The following FOXK2 variants were observed in gnomAD, a reference collection of about 807,000 sequenced individuals.
The protein encoded by FOXK2 is forkhead box K2, also known as forkhead box protein K2.
FOXK2 carries 24 observed loss-of-function variants against 53.3 expected under a neutral mutation model. The observed-to-expected ratio is 0.45, with a 90% CI of 0.33 to 0.63. The LOEUF (loss-of-function observed/expected upper bound fraction) is 0.63. Among genes scored for constraint, FOXK2 ranks in the 30% least tolerant of loss-of-function variants. The pLI is 0.03. For missense variants in FOXK2, 952 were observed against 910.5 expected, an observed-to-expected ratio of 1.05 and a Z score of -0.59; for synonymous variants, 505 against 407.1, an observed-to-expected ratio of 1.24 and a Z score of -2.89.
intron 1 of FOXK2, among the ~76,000 whole-genome samples, chr17:82,524,000 T>C (rs1304407632): frequency 6.6e-6 from 1 of 152,198 alleles, no homozygotes; most frequent in Non-Finnish European, 1.5e-5. Flanking sequence ...ATTCAAGCCA[T>C]TCTCCTGCCT....
Position 82,602,853 on chromosome 17 carries a change from G to A in FOXK2, c.*1354G>A, listed in dbSNP as rs554033908. On this transcript the variant is annotated 3_prime_UTR_variant, in exon 9 of 9. Transcript: ENST00000335255. ...CATGGGGAGAGGGCGTCAGCCTGAT[G>A]GCTGAGCTTTTAAATGTCATCATCA... is the stretch of plus-strand genomic sequence containing the variant. 105 of 152,430 alleles carry A rather than the reference G, an allele frequency of 6.9e-4. No individual in the cohort carries two copies. The highest frequency in any genetic ancestry group is 2.5e-3 in the African/African-American group (103 of 41,588). The allele number at this position is 152,430 out of a possible 1,614,324, so 9.4% of individuals were successfully genotyped here.
chr17:82,602,227 G>A lies in FOXK2; in HGVS notation c.*728G>A, dbSNP rs897787955. The stretch of plus-strand genomic sequence containing the variant: ...AGGTGGACGGACGCTGTGGCCGCAT[G>A]GAACCTTGAGAACCCAGGGACGAGC... On this transcript the variant is annotated 3_prime_UTR_variant, in exon 9 of 9. Coordinates refer to ENST00000335255, the MANE Select transcript of FOXK2 (RefSeq NM_004514.4). The A allele has an allele frequency of 2.0e-5, 3 of 152,202 alleles. No homozygotes were observed. Among genetic ancestry groups the A allele is most frequent in the African/African-American group, 7.2e-5 (3 of 41,424 alleles). 9.4% of individuals were successfully genotyped at this position (152,202 alleles called of 1,614,324 possible). A position where few individuals can be genotyped will look rare whatever the true frequency, so the allele number is the denominator to read the frequency against.
intron 1 of FOXK2, among the ~76,000 whole-genome samples, chr17:82,547,902 C>G (rs912400783): frequency 6.6e-6 from 1 of 152,192 alleles, no homozygotes; most frequent in African/African-American, 2.4e-5. Context: ...TTGGCTCGCT[C>G]TTATTCACAT....
intron 6 of FOXK2, 94 bp downstream of exon 6, chr17:82,584,282 C>A: frequency 7.5e-7 from 1 of 1,325,460 alleles, no homozygotes; most frequent in Non-Finnish European, 1.0e-6. Context: ...GACTGGAGGC[C>A]TGCCTGTCCC....
chr17:82,595,663 C>T (rs184736802), intron 8 of FOXK2: 83 of 752,404 alleles, frequency 1.1e-4, no homozygotes, highest in Non-Finnish European at 1.4e-4. Flanking sequence ...GGTTTTTCTT[C>T]GTTGAAAGCT....
At chr17:82,554,272 G>T (rs1208838278) in intron 1 of FOXK2, among the ~76,000 whole-genome samples, 2 of 152,184 alleles carry the variant, frequency 1.3e-5, no homozygotes, top group Non-Finnish European at 2.9e-5. Flanking sequence ...TCATTTCTGT[G>T]GGGCTGTATG....
chr17:82,590,371 G>A (rs963310060), intron 8 of FOXK2, among the ~76,000 whole-genome samples: 2 of 152,152 alleles, frequency 1.3e-5, no homozygotes, highest in African/African-American at 2.4e-5. Context: ...GCCCATGCTG[G>A]TCTCAAGCTC....
At chr17:82,598,718 T>C (rs566172193) in intron 8 of FOXK2, among the ~76,000 whole-genome samples, 1 of 152,340 alleles carries the variant, frequency 6.6e-6, no homozygotes, top group Admixed American at 6.5e-5. Context: ...AGATGCCACC[T>C]CCTAATTAGG....
At chr17:82,541,450 T>G (rs2144073115) in intron 1 of FOXK2, among the ~76,000 whole-genome samples, 1 of 152,122 alleles carries the variant, frequency 6.6e-6, no homozygotes, top group East Asian at 1.9e-4. Context: ...TTTTTGTATT[T>G]TTAGTAGAGA....
At position 82,568,096 on chromosome 17, in the gene FOXK2, T is replaced by C; in HGVS notation, c.657T>C (p.Ser219=). ...CCTCCAGCCCCCGGGGAGCGGGGTC[T>C]TCAGGGTACAAGGTGGGCCGAGTGA... ...SCPSSPRGAG[S]SGYKVGRVMP... is the part of the protein sequence containing the mutation. The change falls in exon 3 of 9, where the codon TCT becomes TCC. Residue 219 remains serine, a synonymous_variant. Coordinates refer to ENST00000335255, the MANE Select transcript of FOXK2 (RefSeq NM_004514.4). 6.2e-7 allele frequency: 1 copy of C among 1,613,226 alleles called. No individual in the cohort carries two copies. The highest frequency in any genetic ancestry group is 8.5e-7 in the Non-Finnish European group (1 of 1,179,834).
intron 4 of FOXK2, among the ~76,000 whole-genome samples, chr17:82,580,938 C>T (rs1024620456): frequency 7.2e-5 from 11 of 151,804 alleles, no homozygotes; most frequent in Admixed American, 3.3e-4. Flanking sequence ...CCATGTCACC[C>T]GTGAAGTAGC....
At chr17:82,565,617 C>T (rs139233749) in intron 2 of FOXK2, among the ~76,000 whole-genome samples, 115 of 152,320 alleles carry the variant, frequency 7.5e-4, no homozygotes, top group African/African-American at 2.4e-3. Flanking sequence ...CCACCTCACA[C>T]CCATTGGATT....
intron 5 of FOXK2, 54 bp downstream of exon 5, chr17:82,582,988 C>A: frequency 7.7e-7 from 1 of 1,296,102 alleles, no homozygotes; most frequent in South Asian, 1.8e-5. Flanking sequence ...AACTTACCTT[C>A]AGTGTATTGG....
intron 4 of FOXK2, among the ~76,000 whole-genome samples, chr17:82,576,339 C>T (rs2044985805): frequency 6.6e-6 from 1 of 152,292 alleles, no homozygotes; most frequent in African/African-American, 2.4e-5. Context: ...GACATGGGCT[C>T]GCTCCAGAGG....
intron 8 of FOXK2, chr17:82,596,286 C>G (rs1177130986): frequency 3.0e-5 from 25 of 844,306 alleles, no homozygotes; most frequent in African/African-American, 3.7e-5. Context: ...AATTCTGGAA[C>G]ACGTTCCTTG....
intron 1 of FOXK2, among the ~76,000 whole-genome samples, chr17:82,541,504 C>T (rs1029695956): frequency 6.6e-6 from 1 of 152,100 alleles, no homozygotes; most frequent in African/African-American, 2.4e-5. Context: ...GAACTCCTGA[C>T]CTCCTGCCTC....
Position 82,571,836 on chromosome 17 carries a change from A to C in FOXK2, c.875A>C (p.Tyr292Ser). 1 of 1,599,356 alleles carries C rather than the reference A, an allele frequency of 6.3e-7. No homozygotes were observed. Among genetic ancestry groups the C allele is most frequent in the Non-Finnish European group, 8.5e-7 (1 of 1,174,864 alleles). ...NGIYTHITKN[Y>S]PYYRTADKGW... Reference sequence around the variant, plus strand: ...ATTTATACACACATCACTAAAAATTATCCCTACTACAGGACTGCGGACAAG... The same window carrying C: ...ATTTATACACACATCACTAAAAATTCTCCCTACTACAGGACTGCGGACAAG... Residue 292 changes from tyrosine to serine, a missense_variant, in exon 4 of 9, where the codon TAT becomes TCT. By Grantham distance (144) the Tyr-to-Ser change is moderately radical (BLOSUM62 -2). Coordinates refer to ENST00000335255, the MANE Select transcript of FOXK2 (RefSeq NM_004514.4).
intron 1 of FOXK2, among the ~76,000 whole-genome samples, chr17:82,547,788 T>C (rs2044641415): frequency 6.6e-6 from 1 of 152,134 alleles, no homozygotes; most frequent in Admixed American, 6.6e-5. Flanking sequence ...GTCAGCCTCA[T>C]CCCCCTGGAG....
chr17:82,522,368 A>ATT (rs538515246), intron 1 of FOXK2, among the ~76,000 whole-genome samples: 67 of 141,772 alleles, frequency 4.7e-4, no homozygotes, highest in East Asian at 8.3e-4. Flanking sequence ...GTTTTTTGGA[A>ATT]TTTTTTTTTT....
Sources: allele counts gnomAD v4.1 joint callset (sites outside exome capture counted in the v4.1 genomes callset), GRCh38; gene constraint gnomAD v4.1.1; transcripts MANE v1.5; gene names NCBI Gene and HGNC (gene_info 2026-07-23, HGNC 2026-07-21).